Variants in CWF19L1 observed in about 807,000 individuals in gnomAD.
CWF19L1 encodes the protein CWF19-like protein 1.
In CWF19L1, 60 loss-of-function variants were observed where a neutral mutation model predicts 69.7. The ratio of observed to expected loss-of-function variants is 0.86; its 90% CI spans 0.70 to 1.07. The LOEUF (loss-of-function observed/expected upper bound fraction) is 1.07. Ranked by LOEUF, CWF19L1 falls within the 50% of genes least tolerant of loss-of-function variation. The pLI, the probability that CWF19L1 is intolerant of heterozygous loss-of-function variation, is 0.00. For synonymous variants in CWF19L1, 209 were observed against 222.2 expected, an observed-to-expected ratio of 0.94 and a Z score of 0.53; for missense variants, 591 against 638.9, an observed-to-expected ratio of 0.92 and a Z score of 0.81.
intron 1 of CWF19L1, among the ~76,000 whole-genome samples, chr10:100,262,882 TGTGA>T (rs1847453785): frequency 6.6e-6 from 1 of 152,214 alleles, no homozygotes; most frequent in African/African-American, 2.4e-5. Context: ...TTTATTGTTT[TGTGA>T]GTGTCTCTTT....
At chr10:100,236,557 G>A (rs1846443649) in intron 12 of CWF19L1, among the ~76,000 whole-genome samples, 1 of 152,170 alleles carries the variant, frequency 6.6e-6, no homozygotes, top group Non-Finnish European at 1.5e-5. Context: ...AGATCACAAG[G>A]TCAGGAGTTC....
At chr10:100,257,249 T>A (rs941004711) in intron 4 of CWF19L1, among the ~76,000 whole-genome samples, 1 of 152,070 alleles carries the variant, frequency 6.6e-6, no homozygotes, top group Non-Finnish European at 1.5e-5. Context: ...CTCTTCAGTT[T>A]TGAATTTCTG....
At chr10:100,267,318 G>A (rs1327686647) in intron 1 of CWF19L1, 3 of 471,678 alleles carry the variant, frequency 6.4e-6, no homozygotes, top group Non-Finnish European at 8.3e-6. Context: ...CCCTAAGATG[G>A]AGGAGGCCTA....
chr10:100,241,990 T>C (rs1289118116), intron 10 of CWF19L1, among the ~76,000 whole-genome samples: 3 of 152,164 alleles, frequency 2.0e-5, no homozygotes, highest in Non-Finnish European at 4.4e-5. Context: ...TCATTCTAAA[T>C]GAATGAAAAA....
chr10:100,250,438 G>A, intron 6 of CWF19L1, 106 bp from the exon 7 acceptor site: 1 of 715,128 alleles, frequency 1.4e-6, no homozygotes, highest in Non-Finnish European at 2.5e-6. Flanking sequence ...GAGGTCCTCA[G>A]TTCATCATCG....
At chr10:100,237,803 C>A (rs567894174) in intron 11 of CWF19L1, among the ~76,000 whole-genome samples, 3 of 152,076 alleles carry the variant, frequency 2.0e-5, no homozygotes, top group Admixed American at 6.5e-5. Flanking sequence ...TGCACCACCA[C>A]GCCCAGCTAA....
intron 4 of CWF19L1, among the ~76,000 whole-genome samples, chr10:100,259,238 G>A (rs1847315386): frequency 6.6e-6 from 1 of 151,210 alleles, no homozygotes; most frequent in African/African-American, 2.4e-5. Context: ...GATCTAAGAG[G>A]CAGCAGACTG....
intron 9 of CWF19L1, among the ~76,000 whole-genome samples, chr10:100,245,052 T>G (rs1196872387): frequency 2.0e-5 from 3 of 150,428 alleles, no homozygotes; most frequent in Non-Finnish European, 4.4e-5. Flanking sequence ...AGATGGAGTC[T>G]CACTCTGTCA....
intron 6 of CWF19L1, among the ~76,000 whole-genome samples, chr10:100,251,331 C>T (rs1847021530): frequency 6.6e-6 from 1 of 152,172 alleles, no homozygotes; most frequent in African/African-American, 2.4e-5. Flanking sequence ...TACACTCTCA[C>T]CAGCAATGTG....
At chr10:100,237,925 A>G (rs1354096291) in intron 11 of CWF19L1, 97 bp downstream of exon 11, 6 of 1,177,886 alleles carry the variant, frequency 5.1e-6, no homozygotes, top group Non-Finnish European at 7.5e-6. Context: ...CTAGGATTAC[A>G]GGCGTGAGCC....
intron 10 of CWF19L1, among the ~76,000 whole-genome samples, chr10:100,243,226 G>A (rs549748929): frequency 6.6e-6 from 1 of 152,146 alleles, no homozygotes; most frequent in South Asian, 2.1e-4. Flanking sequence ...CAACCCAAAC[G>A]TCCATCAGCT....
At chr10:100,265,531 T>C (rs1431972363) in intron 1 of CWF19L1, among the ~76,000 whole-genome samples, 2 of 150,464 alleles carry the variant, frequency 1.3e-5, no homozygotes, top group South Asian at 4.2e-4. Flanking sequence ...TTTTCTTTTT[T>C]TTTTTTTTTG....
intron 12 of CWF19L1, among the ~76,000 whole-genome samples, chr10:100,236,485 A>T (rs947133853): frequency 2.0e-5 from 3 of 152,100 alleles, no homozygotes; most frequent in Non-Finnish European, 4.4e-5. Flanking sequence ...CATGTCAAAA[A>T]CCAGATCTTG....
intron 13 of CWF19L1, among the ~76,000 whole-genome samples, chr10:100,234,455 T>A (rs541971582): frequency 2.0e-5 from 3 of 152,368 alleles, no homozygotes. Context: ...TCTGCAATCG[T>A]GTGCTTATGT....
intron 6 of CWF19L1, among the ~76,000 whole-genome samples, chr10:100,250,682 G>C (rs895739734): frequency 2.0e-5 from 3 of 152,068 alleles, no homozygotes; most frequent in African/African-American, 4.8e-5. Context: ...GTAATAAAAA[G>C]CTAAAATAGG....
intron 6 of CWF19L1, among the ~76,000 whole-genome samples, chr10:100,252,868 A>C (rs1367815292): frequency 6.6e-6 from 1 of 151,426 alleles, no homozygotes; most frequent in Non-Finnish European, 1.5e-5. Context: ...AAATTTTTTA[A>C]ATTTTCCCTC....
chr10:100,233,267 C>G lies in CWF19L1; in HGVS notation c.1577G>C (p.Arg526Pro). ...AAAGTCATAGGGCTCAAAGTCTTTC[C>G]GGAAGCGGCGAGCCAGGGTCTCCTC... The part of the protein sequence containing the change: ...EDEETLARRF[R>P]KDFEPYDFTL... The change falls in exon 14 of 14, where the codon CGG becomes CCG. Residue 526 changes from arginine (R) to proline (P), a missense_variant. By Grantham distance (103) the Arg-to-Pro change is moderately radical. Around this residue, in one of 3 missense-constraint regions of CWF19L1, gnomAD observed 458 missense variants for 489.3 expected, o/e 0.94. Coordinates refer to ENST00000354105, the MANE Select transcript of CWF19L1 (RefSeq NM_018294.6). 6.2e-7 allele frequency: 1 copy of G among 1,613,724 alleles called. No homozygotes were observed. The highest frequency in any genetic ancestry group is 1.1e-5 in the South Asian group (1 of 91,022).
At position 100,238,759 on chromosome 10, in the gene CWF19L1, A is replaced by T. The variant is rs1413635010; in HGVS notation, c.1045-528T>A. Among the ~76,000 whole-genome samples the T allele has an allele frequency of 4.6e-5, 7 of 152,044 alleles. No individual in the cohort carries two copies. In the East Asian group the frequency reaches 1.4e-3, roughly 29 times the overall value. The stretch of plus-strand genomic sequence containing the variant: ...AGGCTGACCAATATGGTGAAACCTC[A>T]TTTCTACTAAAAATACAAAAATTAG... On this transcript the variant is annotated intron_variant, in intron 10 of 13. Coordinates refer to ENST00000354105, the MANE Select transcript of CWF19L1 (RefSeq NM_018294.6).
chr10:100,257,178 A>AG (rs1165249131), intron 4 of CWF19L1, among the ~76,000 whole-genome samples: 3 of 152,132 alleles, frequency 2.0e-5, no homozygotes, highest in African/African-American at 7.2e-5. Flanking sequence ...CTTTTTGTTC[A>AG]GAAAAAAATA....
Sources: gnomAD v4.1 joint callset for allele counts (sites outside exome capture counted in the v4.1 genomes callset) on GRCh38, gnomAD v4.1.1 for gene constraint, gnomAD v4.1.1 regional missense constraint, MANE v1.5 for transcripts, NCBI Gene and HGNC (gene_info 2026-07-23, HGNC 2026-07-21) for gene names.